The following OTUD7A variants were observed in gnomAD, a reference collection of about 807,000 sequenced individuals.
OTUD7A encodes the protein OTU domain-containing protein 7A.
Under a neutral mutation model 65.7 loss-of-function variants are expected in OTUD7A, and 12 were observed. The observed-to-expected ratio is 0.18, with a 90% CI of 0.12 to 0.30. The LOEUF (loss-of-function observed/expected upper bound fraction) is 0.30. Among genes scored for constraint, OTUD7A ranks in the 10% least tolerant of loss-of-function variants. The pLI, the probability that OTUD7A is intolerant of heterozygous loss-of-function variation, is 1.00. For synonymous variants in OTUD7A, 641 were observed against 586.3 expected (o/e 1.09, Z -1.35); for missense variants, 1,148 against 1,304.8 (o/e 0.88, Z 1.85).
intron 1 of OTUD7A, among the ~76,000 whole-genome samples, chr15:31,782,633 G>A (rs1895570686): frequency 6.6e-6 from 1 of 152,214 alleles, no homozygotes; most frequent in East Asian, 1.9e-4. Flanking sequence ...GAGGCGCTGG[G>A]ACCCAGGAGA....
chr15:31,488,952 G>T (rs1314411031), intron 10 of OTUD7A, among the ~76,000 whole-genome samples: 1 of 152,208 alleles, frequency 6.6e-6, no homozygotes, highest in East Asian at 1.9e-4. Flanking sequence ...GAGAGGTCAG[G>T]GGTGGCTTGG....
At chr15:31,651,424 C>A (rs1891831403) in intron 3 of OTUD7A, among the ~76,000 whole-genome samples, 1 of 152,014 alleles carries the variant, frequency 6.6e-6, no homozygotes, top group African/African-American at 2.4e-5. Context: ...CAAGGATCTT[C>A]TTTTTTAACA....
chr15:31,646,310 G>A (rs1387609519), intron 3 of OTUD7A, among the ~76,000 whole-genome samples: 1 of 152,222 alleles, frequency 6.6e-6, no homozygotes, highest in East Asian at 1.9e-4. Context: ...GGGGGCACGG[G>A]GGAATGGGGA....
rs2042027353 is a variant in OTUD7A, at chr15:31,527,242, C to G, written c.719G>C (p.Gly240Ala). 1 of 1,614,236 alleles carries G rather than the reference C, an allele frequency of 6.2e-7. No individual in the cohort carries two copies. The highest frequency in any genetic ancestry group is 8.5e-7 in the Non-Finnish European group (1 of 1,180,052). The change falls in exon 7 of 13, where the codon GGA (glycine) becomes GCA (alanine). Residue 240 changes from glycine (G) to alanine (A), a missense_variant. Transcript: ENST00000307050. ...CCGCTTCAGGGCTTCCCTCTCAGCT[C>G]CCGTCCTCATCATGGTATAGAGAGC... ...RKALYTMMRT[G>A]AEREALKRRW...
chr15:31,509,149 G>T (rs1278953502), intron 8 of OTUD7A, among the ~76,000 whole-genome samples: 2 of 151,932 alleles, frequency 1.3e-5, no homozygotes, highest in African/African-American at 4.8e-5. Flanking sequence ...TTCTTAAAGA[G>T]CAGGTTAGTG....
chr15:31,727,931 T>TA (rs1204967998), intron 1 of OTUD7A, among the ~76,000 whole-genome samples: 1 of 152,184 alleles, frequency 6.6e-6, no homozygotes, highest in African/African-American at 2.4e-5. Flanking sequence ...TATGCTCACT[T>TA]ATGCTTTCTC....
intron 1 of OTUD7A, among the ~76,000 whole-genome samples, chr15:31,673,342 G>A (rs1892526947): frequency 6.6e-6 from 1 of 152,180 alleles, no homozygotes; most frequent in South Asian, 2.1e-4. Context: ...ACATGAAAGT[G>A]AACTTTGTAA....
chr15:31,648,238 C>A (rs1408227788), intron 3 of OTUD7A, among the ~76,000 whole-genome samples: 1 of 152,164 alleles, frequency 6.6e-6, no homozygotes, highest in Non-Finnish European at 1.5e-5. Flanking sequence ...CCTTCAAAGG[C>A]ATTTCCAGGT....
intron 4 of OTUD7A, among the ~76,000 whole-genome samples, chr15:31,563,462 C>T (rs1013092305): frequency 7.2e-5 from 11 of 152,222 alleles, no homozygotes; most frequent in African/African-American, 2.7e-4. Flanking sequence ...CTCACACACA[C>T]CTAGAAATCC....
At chr15:31,508,058 C>T (rs1371695897) in intron 8 of OTUD7A, among the ~76,000 whole-genome samples, 1 of 151,964 alleles carries the variant, frequency 6.6e-6, no homozygotes, top group Admixed American at 6.5e-5. Flanking sequence ...ATAGAGCAAG[C>T]ATTAAAGGCA....
At chr15:31,662,806 C>G (rs1473640177) in intron 1 of OTUD7A, among the ~76,000 whole-genome samples, 1 of 152,136 alleles carries the variant, frequency 6.6e-6, no homozygotes, top group Non-Finnish European at 1.5e-5. Context: ...GGAGTTTTTA[C>G]TTAACCTAAT....
intron 5 of OTUD7A, among the ~76,000 whole-genome samples, chr15:31,535,768 C>T (rs1169211753): frequency 6.6e-6 from 1 of 151,002 alleles, no homozygotes; most frequent in East Asian, 1.9e-4. Context: ...CCTCCACCTC[C>T]TGGGTTCATG....
At chr15:31,659,049 A>G (rs78905132) in intron 1 of OTUD7A, among the ~76,000 whole-genome samples, 6,325 of 95,512 alleles carry the variant, frequency 0.066, 189 homozygotes, top group African/African-American at 0.13. Context: ...ATGAATAAAT[A>G]AATAAATAAA....
chr15:31,811,283 C>T lies in OTUD7A; in HGVS notation c.-100+59224G>A, dbSNP rs566430404. On this transcript the variant is annotated intron_variant, in intron 1 of 12. Coordinates refer to ENST00000307050, the MANE Select transcript of OTUD7A (RefSeq NM_001382637.1). Reference sequence around the variant, plus strand: ...TGTTTAGGAAATGAATTATTGAGACCTTTTGGTTGATTTGATGTGTGTGTG... The same window carrying T: ...TGTTTAGGAAATGAATTATTGAGACTTTTTGGTTGATTTGATGTGTGTGTG... Among the ~76,000 whole-genome samples, 126 of 151,778 alleles carry T rather than the reference C, an allele frequency of 8.3e-4. 1 individual carries two copies. Among genetic ancestry groups the T allele is most frequent in the African/African-American group, 2.4e-3 (100 of 41,382 alleles).
At chr15:31,792,858 C>A (rs73380529) in intron 1 of OTUD7A, among the ~76,000 whole-genome samples, 1 of 152,196 alleles carries the variant, frequency 6.6e-6, no homozygotes, top group Non-Finnish European at 1.5e-5. Flanking sequence ...CTCTTCTGTG[C>A]AGACCCCAGG....
intron 1 of OTUD7A, among the ~76,000 whole-genome samples, chr15:31,737,419 G>A (rs1894222069): frequency 1.3e-5 from 2 of 152,094 alleles, no homozygotes; most frequent in African/African-American, 4.8e-5. Flanking sequence ...AAAAAACGAC[G>A]CAAACTGCCA....
At chr15:31,606,440 TTAAAA>T (rs1200610673) in intron 3 of OTUD7A, among the ~76,000 whole-genome samples, 1 of 152,334 alleles carries the variant, frequency 6.6e-6, no homozygotes, top group Non-Finnish European at 1.5e-5. Flanking sequence ...TTGGAGTTGT[TTAAAA>T]TAAATTAGTC....
At chr15:31,751,178 A>C (rs1012083261) in intron 1 of OTUD7A, among the ~76,000 whole-genome samples, 6 of 152,224 alleles carry the variant, frequency 3.9e-5, no homozygotes, top group Non-Finnish European at 7.3e-5. Context: ...CCTCTGACAA[A>C]GGACTAATAT....
intron 1 of OTUD7A, among the ~76,000 whole-genome samples, chr15:31,852,489 T>C (rs944909545): frequency 1.3e-5 from 2 of 152,262 alleles, no homozygotes; most frequent in Non-Finnish European, 2.9e-5. Context: ...TGCAATAAAC[T>C]ATTCCAAAAT....
Sources: gnomAD v4.1 joint callset for allele counts (sites outside exome capture counted in the v4.1 genomes callset) on GRCh38, gnomAD v4.1.1 for gene constraint, MANE v1.5 for transcripts, NCBI Gene and HGNC (gene_info 2026-07-23, HGNC 2026-07-21) for gene names.